SNTG2: variants seen among roughly 807,000 people sequenced by gnomAD.
The protein encoded by SNTG2 is gamma-2-syntrophin.
In SNTG2, 74 loss-of-function variants were observed where a neutral mutation model predicts 70.9. That is an observed-to-expected ratio of 1.04 (90% CI 0.86 to 1.27). SNTG2 has a LOEUF of 1.27. SNTG2 is among the 50% of genes most tolerant of loss of function. SNTG2 has a pLI of 0.00. For missense variants in SNTG2, 717 were observed against 690.7 expected (o/e 1.04, Z -0.43); for synonymous variants, 278 against 273.8 (o/e 1.02, Z -0.15).
At chr2:1,105,300 C>G (rs1666043960) in intron 4 of SNTG2, among the ~76,000 whole-genome samples, 1 of 152,180 alleles carries the variant, frequency 6.6e-6, no homozygotes, top group East Asian at 1.9e-4. Context: ...GGGTTTGTTT[C>G]TGTCCATGGT....
intron 14 of SNTG2, among the ~76,000 whole-genome samples, chr2:1,299,554 T>C (rs1680361787): frequency 6.6e-6 from 1 of 152,200 alleles, no homozygotes; most frequent in African/African-American, 2.4e-5. Context: ...TCGAGCCCCA[T>C]GTGCTCCAGC....
chr2:1,131,744 C>T (rs747995548), intron 4 of SNTG2, among the ~76,000 whole-genome samples: 1 of 151,896 alleles, frequency 6.6e-6, no homozygotes, highest in African/African-American at 2.4e-5. Flanking sequence ...CTCCACCTCC[C>T]GGGTTCACGT....
At chr2:1,244,655 C>CCGCT (rs1677294727) in intron 11 of SNTG2, among the ~76,000 whole-genome samples, 1 of 127,710 alleles carries the variant, frequency 7.8e-6, no homozygotes, top group Non-Finnish European at 1.6e-5. Flanking sequence ...AAGATTGCAC[C>CCGCT]ACTGCACTCC....
intron 4 of SNTG2, among the ~76,000 whole-genome samples, chr2:1,134,561 C>G (rs1357609982): frequency 6.6e-6 from 1 of 152,132 alleles, no homozygotes; most frequent in Non-Finnish European, 1.5e-5. Context: ...GTTTACAAAC[C>G]TTGAGCTAGA....
intron 9 of SNTG2, among the ~76,000 whole-genome samples, chr2:1,231,226 G>A (rs1676220458): frequency 6.6e-6 from 1 of 151,628 alleles, no homozygotes. Context: ...GACCTACTTA[G>A]GATAATGACA....
At chr2:1,264,753 A>G (rs9678860) in intron 13 of SNTG2, among the ~76,000 whole-genome samples, 32,237 of 151,956 alleles carry the variant, frequency 0.21, 4,670 homozygotes, top group African/African-American at 0.41. Flanking sequence ...TAGAGATAGG[A>G]TCTTGCTGTG....
intron 1 of SNTG2, among the ~76,000 whole-genome samples, chr2:1,004,848 CA>C (rs938778310): frequency 2.3e-4 from 35 of 152,176 alleles, no homozygotes; most frequent in African/African-American, 7.9e-4. Context: ...TGTACCCACA[CA>C]AAAAACATGC....
chr2:1,112,579 T>G, intron 4 of SNTG2, among the ~76,000 whole-genome samples: 1 of 151,452 alleles, frequency 6.6e-6, no homozygotes, highest in South Asian at 2.1e-4. Flanking sequence ...CTTACAGTCC[T>G]TTGAGAAAGA....
chr2:1,220,876 G>A (rs144000057), intron 9 of SNTG2, among the ~76,000 whole-genome samples: 2,151 of 152,300 alleles, frequency 0.014, 13 homozygotes, highest in Non-Finnish European at 0.02. Flanking sequence ...CCACGGGCAC[G>A]TAGGTGAATC....
chr2:970,017 C>G (rs552125041), intron 1 of SNTG2, among the ~76,000 whole-genome samples: 1 of 152,238 alleles, frequency 6.6e-6, no homozygotes, highest in Admixed American at 6.5e-5. Flanking sequence ...ACAGCTCTTA[C>G]TATTTTGAGG....
chr2:1,219,265 C>A (rs1302118482), intron 9 of SNTG2, among the ~76,000 whole-genome samples: 5 of 152,186 alleles, frequency 3.3e-5, no homozygotes. Flanking sequence ...CCCCAGAGTC[C>A]CAGCAGATGT....
chr2:1,289,272 G>T (rs1165229542), intron 14 of SNTG2, among the ~76,000 whole-genome samples: 1 of 151,946 alleles, frequency 6.6e-6, no homozygotes, highest in Non-Finnish European at 1.5e-5. Flanking sequence ...GGTGACTGGG[G>T]TCCTGTTCTC....
intron 12 of SNTG2, among the ~76,000 whole-genome samples, chr2:1,248,307 C>G (rs1333593861): frequency 6.6e-6 from 1 of 152,216 alleles, no homozygotes; most frequent in Non-Finnish European, 1.5e-5. Flanking sequence ...TGCCTCCACT[C>G]AGCTCCCCTG....
At chr2:1,022,208 A>G (rs1347115239) in intron 1 of SNTG2, among the ~76,000 whole-genome samples, 1 of 152,002 alleles carries the variant, frequency 6.6e-6, no homozygotes, top group Non-Finnish European at 1.5e-5. Context: ...GTGAATCCCT[A>G]GGTTCTTGCA....
At chr2:1,161,941 G>A (rs1670321176) in intron 6 of SNTG2, among the ~76,000 whole-genome samples, 1 of 151,994 alleles carries the variant, frequency 6.6e-6, no homozygotes, top group South Asian at 2.1e-4. Flanking sequence ...AGGCGAGATG[G>A]CGGGCGCCTG....
intron 6 of SNTG2, chr2:1,158,569 T>A (rs1293778061): frequency 6.6e-6 from 1 of 152,238 alleles, no homozygotes; most frequent in Non-Finnish European, 1.5e-5. Flanking sequence ...CAAATCATGT[T>A]TCAAGTGACC....
At chr2:1,046,699 G>C (rs6548178) in intron 1 of SNTG2, among the ~76,000 whole-genome samples, 128,219 of 152,146 alleles carry the variant, frequency 0.84, 54,430 homozygotes, top group Middle Eastern at 0.89. Context: ...TCTCTTCTAG[G>C]TTGTAGGGTT....
intron 9 of SNTG2, among the ~76,000 whole-genome samples, chr2:1,233,555 A>C (rs894262987): frequency 6.6e-6 from 1 of 152,196 alleles, no homozygotes; most frequent in African/African-American, 2.4e-5. Flanking sequence ...TGAGGCTGGC[A>C]CTGAGCCCAC....
Position 1,267,466 on chromosome 2 carries a change from C to T in SNTG2, c.1179C>T (p.Ala393=), listed in dbSNP as rs373161316. Residue 393 remains alanine, a synonymous_variant, in exon 14 of 17, where the codon GCC becomes GCT. Transcript: ENST00000308624. ...GGCCCTATTGCTTCAGCATCGTGGC[C>T]GGCCATGGGAAGAGCCATGTTTTCA... ...DQRPYCFSIV[A]GHGKSHVFNV... 8.1e-5 allele frequency: 131 copies of T among 1,613,730 alleles called. No homozygotes were observed. The African/African-American group carries it at 1.1e-3, about 13-fold the overall frequency.
Sources: gnomAD v4.1 joint callset for allele counts (sites outside exome capture counted in the v4.1 genomes callset) on GRCh38, gnomAD v4.1.1 for gene constraint, MANE v1.5 for transcripts, NCBI Gene and HGNC (gene_info 2026-07-23, HGNC 2026-07-21) for gene names.